The following LIN28B variants were observed in gnomAD, a reference collection of about 807,000 sequenced individuals.
LIN28B encodes the protein lin-28 RNA binding posttranscriptional regulator B.
A neutral mutation model predicts 21.9 loss-of-function variants in LIN28B; 5 were observed. The ratio of observed to expected loss-of-function variants is 0.23; its 90% CI spans 0.12 to 0.48. LIN28B has a LOEUF of 0.48. Ranked by LOEUF, LIN28B falls within the 20% of genes least tolerant of loss-of-function variation. The pLI is 0.98. For missense variants in LIN28B, 245 were observed against 310.5 expected (o/e 0.79, Z 1.58); for synonymous variants, 109 against 111.3 (o/e 0.98, Z 0.13).
intron 3 of LIN28B, among the ~76,000 whole-genome samples, chr6:105,055,087 T>C (rs958820199): frequency 1.3e-5 from 2 of 152,124 alleles, no homozygotes; most frequent in Admixed American, 1.3e-4. Flanking sequence ...ATTTGGGCTT[T>C]AAGTAGCTGA....
chr6:104,973,195 A>T (rs1030177083), intron 2 of LIN28B, among the ~76,000 whole-genome samples: 2 of 151,798 alleles, frequency 1.3e-5, no homozygotes, highest in African/African-American at 4.8e-5. Flanking sequence ...CTCTGTCTTT[A>T]GTTTTAAAAA....
intron 2 of LIN28B, among the ~76,000 whole-genome samples, chr6:104,963,342 G>A (rs1449352421): frequency 6.6e-6 from 1 of 152,110 alleles, no homozygotes; most frequent in African/African-American, 2.4e-5. Flanking sequence ...CACCGCTCCT[G>A]GCCAGGCATT....
chr6:105,049,101 TGTTA>T (rs774418559), intron 3 of LIN28B, among the ~76,000 whole-genome samples: 5 of 152,224 alleles, frequency 3.3e-5, no homozygotes, highest in Admixed American at 6.5e-5. Flanking sequence ...TCTTTTGTGA[TGTTA>T]GAGTGTCAAT....
intron 2 of LIN28B, among the ~76,000 whole-genome samples, chr6:104,960,196 G>T (rs1410878894): frequency 1.3e-5 from 2 of 151,992 alleles, no homozygotes; most frequent in Non-Finnish European, 2.9e-5. Context: ...ATGATGCCTA[G>T]TTAAAGAGGT....
intron 2 of LIN28B, among the ~76,000 whole-genome samples, chr6:104,942,984 A>G (rs1246118638): frequency 2.0e-5 from 3 of 152,120 alleles, no homozygotes; most frequent in African/African-American, 4.8e-5. Context: ...CTTACTATGT[A>G]TGTTCTCTGC....
upstream of LIN28B, among the ~76,000 whole-genome samples, chr6:104,952,706 T>G (rs941698710): frequency 1.3e-5 from 2 of 152,200 alleles, no homozygotes; most frequent in African/African-American, 4.8e-5. Context: ...AAAGGCAAAT[T>G]TTGAAATATA....
At chr6:104,949,828 T>G (rs1778199587) in intron 2 of LIN28B, among the ~76,000 whole-genome samples, 1 of 152,220 alleles carries the variant, frequency 6.6e-6, no homozygotes, top group African/African-American at 2.4e-5. Context: ...GAAACATCAA[T>G]ATTTACTCAT....
intron 2 of LIN28B, among the ~76,000 whole-genome samples, chr6:104,989,576 G>GTTTTTTTTTTTTTTTTTTTTTTTTTT (rs34394074): frequency 3.3e-5 from 2 of 60,572 alleles, no homozygotes; most frequent in Non-Finnish European, 6.0e-5. Context: ...TTTTACTTGG[G>GTTTTTTTTTTTTTTTTTTTTTTTTTT]TTTTTTTTTT....
intron 2 of LIN28B, among the ~76,000 whole-genome samples, chr6:105,011,766 A>G (rs2114309990): frequency 6.6e-6 from 1 of 152,004 alleles, no homozygotes. Context: ...AATCACTTAA[A>G]CCCGGGACGT....
At chr6:105,060,432 T>C (rs992837927) in intron 3 of LIN28B, among the ~76,000 whole-genome samples, 33 of 152,144 alleles carry the variant, frequency 2.2e-4, no homozygotes, top group Admixed American at 1.2e-3. Flanking sequence ...GCTTGACCTA[T>C]AATTAATTTT....
chr6:104,966,430 T>C (rs916632100), intron 2 of LIN28B, among the ~76,000 whole-genome samples: 1 of 152,162 alleles, frequency 6.6e-6, no homozygotes, highest in African/African-American at 2.4e-5. Flanking sequence ...AGCTATGTTT[T>C]TATTAATCAT....
At chr6:105,020,285 A>G (rs1173144506) in intron 2 of LIN28B, among the ~76,000 whole-genome samples, 2 of 151,528 alleles carry the variant, frequency 1.3e-5, no homozygotes, top group African/African-American at 4.9e-5. Flanking sequence ...CCCTGTTCAT[A>G]TTATTTAAAA....
upstream of LIN28B, among the ~76,000 whole-genome samples, chr6:104,952,833 T>G (rs2114555907): frequency 6.6e-6 from 1 of 152,290 alleles, no homozygotes; most frequent in South Asian, 2.1e-4. Context: ...TCTCGAGAGA[T>G]TTTTACCTCT....
Position 105,025,543 on chromosome 6 carries a change from A to G in LIN28B, c.199-755A>G, listed in dbSNP as rs73521931. 5.3e-3 allele frequency among the ~76,000 whole-genome samples: 803 copies of G among 152,280 alleles called. 9 individuals carry two copies. The highest frequency in any genetic ancestry group is 0.018 in the African/African-American group (766 of 41,560). On this transcript the variant is annotated intron_variant, in intron 2 of 3. Coordinates refer to ENST00000345080, the MANE Select transcript of LIN28B (RefSeq NM_001004317.4). ...AATGTATATACCAGAAAACTTTGCT[A>G]CCTTTCTAGAACGGGACTGGAGAAA...
intron 3 of LIN28B, among the ~76,000 whole-genome samples, chr6:105,045,287 T>G (rs942229498): frequency 1.4e-5 from 2 of 145,420 alleles, no homozygotes; most frequent in East Asian, 2.0e-4. Flanking sequence ...TCATTCTGTT[T>G]TTTTTTTTTT....
intron 3 of LIN28B, among the ~76,000 whole-genome samples, chr6:105,059,505 C>T (rs968452987): frequency 1.3e-5 from 2 of 152,170 alleles, no homozygotes; most frequent in African/African-American, 4.8e-5. Flanking sequence ...GATGCACATC[C>T]ACATGTGGTT....
chr6:104,948,063 G>T (rs1778177892), intron 2 of LIN28B, among the ~76,000 whole-genome samples: 1 of 152,140 alleles, frequency 6.6e-6, no homozygotes, highest in Non-Finnish European at 1.5e-5. Flanking sequence ...GATGAATGGA[G>T]ATTATTCTCG....
chr6:105,027,210 T>A (rs183655241), intron 3 of LIN28B, among the ~76,000 whole-genome samples: 1 of 152,104 alleles, frequency 6.6e-6, no homozygotes, highest in African/African-American at 2.4e-5. Context: ...ATCAAAAAAA[T>A]ATGTATTTTA....
In LIN28B at chr6:105,023,210, G is replaced by GATAT. The variant is rs370667791; in HGVS notation, c.199-3074_199-3071dup. On this transcript the variant is annotated intron_variant, in intron 2 of 3. Coordinates refer to ENST00000345080, the MANE Select transcript of LIN28B (RefSeq NM_001004317.4). ...TGCAAAGCCATTATAGTTTCTTATG[G>GATAT]ATATATATATATATATAATATATAT... 8.3e-3 allele frequency among the ~76,000 whole-genome samples: 570 copies of GATAT among 68,996 alleles called. 13 individuals carry two copies. Among genetic ancestry groups the GATAT allele is most frequent in the African/African-American group, 0.024 (430 of 17,770 alleles). 45.3% of individuals were successfully genotyped at this position (68,996 alleles called of 152,430 possible). A position where few individuals can be genotyped will look rare whatever the true frequency, so the allele number is the denominator to read the frequency against.
Sources: allele counts gnomAD v4.1 joint callset (sites outside exome capture counted in the v4.1 genomes callset), GRCh38; gene constraint gnomAD v4.1.1; transcripts MANE v1.5; gene names NCBI Gene and HGNC (gene_info 2026-07-23, HGNC 2026-07-21).